The following TPH2 variants were observed in gnomAD, a reference collection of about 807,000 sequenced individuals.
TPH2 encodes the protein tryptophan hydroxylase 2.
Under a neutral mutation model 59.1 loss-of-function variants are expected in TPH2, and 27 were observed. The ratio of observed to expected loss-of-function variants is 0.46; its 90% CI spans 0.34 to 0.63. TPH2 has a LOEUF of 0.63. Among genes scored for constraint, TPH2 ranks in the 30% least tolerant of loss-of-function variants. The pLI is 0.01. For missense variants in TPH2, 523 were observed against 588.3 expected, an observed-to-expected ratio of 0.89 and a Z score of 1.15; for synonymous variants, 220 against 210.5, an observed-to-expected ratio of 1.05 and a Z score of -0.39.
chr12:72,016,782 C>T (rs1372902548), intron 8 of TPH2, among the ~76,000 whole-genome samples: 1 of 152,102 alleles, frequency 6.6e-6, no homozygotes, highest in East Asian at 1.9e-4. Context: ...GAATTTATTT[C>T]TTAAATGATG....
intron 2 of TPH2, among the ~76,000 whole-genome samples, chr12:71,942,710 T>C (rs1871106031): frequency 6.6e-6 from 1 of 152,230 alleles, no homozygotes; most frequent in Non-Finnish European, 1.5e-5. Context: ...TGAGGCATTA[T>C]TATGATGCCT....
At chr12:71,951,005 A>C (rs189112165) in intron 5 of TPH2, among the ~76,000 whole-genome samples, 133 of 152,260 alleles carry the variant, frequency 8.7e-4, no homozygotes, top group African/African-American at 3.0e-3. Flanking sequence ...AACCAGGACC[A>C]CATGGCACAT....
At chr12:71,965,908 C>T (rs747858011) in intron 5 of TPH2, among the ~76,000 whole-genome samples, 2 of 152,138 alleles carry the variant, frequency 1.3e-5, no homozygotes, top group African/African-American at 2.4e-5. Context: ...CAAGAGGGTA[C>T]TGCCTAGGTT....
rs1234251988 is a variant in TPH2 at position 71,941,567 on chromosome 12, C to T, written c.106-17C>T. 6.2e-7 allele frequency: 1 copy of T among 1,612,600 alleles called. No homozygotes were observed. Among genetic ancestry groups the T allele is most frequent in the Non-Finnish European group, 8.5e-7 (1 of 1,179,318 alleles). The stretch of plus-strand genomic sequence containing the variant: ...CTAACTAATATTTTGTTTTATTATG[C>T]TTCGACATTCCTGAAGCTAAATAAA... On this transcript the variant is annotated splice_polypyrimidine_tract_variant and intron_variant, in intron 1 of 10. Transcript: ENST00000333850.
intron 10 of TPH2, 41 bp from the exon 11 acceptor site, chr12:72,031,480 A>T: frequency 6.2e-7 from 1 of 1,612,956 alleles, no homozygotes; most frequent in Non-Finnish European, 8.5e-7. Flanking sequence ...CGTACCAATG[A>T]GGGTTGATCA....
rs1477889535 is a variant in TPH2 at position 72,021,255 on chromosome 12, G to A, written c.1069-1144G>A. ...CTTCTCGTTGTGCAAAGATTCCTCC[G>A]TCTGTTTAGGTTGATTTCTTAAACC... On this transcript the variant is annotated intron_variant, in intron 8 of 10. Transcript: ENST00000333850. Among the ~76,000 whole-genome samples, 3 of 151,658 alleles carry A rather than the reference G, an allele frequency of 2.0e-5. No homozygotes were observed. The East Asian group carries it at 5.8e-4, about 29-fold the overall frequency.
intron 4 of TPH2, among the ~76,000 whole-genome samples, chr12:71,947,861 C>T (rs1011702201): frequency 3.9e-5 from 6 of 152,162 alleles, no homozygotes; most frequent in African/African-American, 1.4e-4. Flanking sequence ...AGAAGAGAGG[C>T]AGTTGAGATT....
At chr12:72,022,829 C>CTGTGACAAG (rs1313319093) in intron 9 of TPH2, among the ~76,000 whole-genome samples, 1 of 152,214 alleles carries the variant, frequency 6.6e-6, no homozygotes, top group African/African-American at 2.4e-5. Context: ...ATCCTACTGA[C>CTGTGACAAG]TGAAATTCAC....
chr12:71,974,017 G>A (rs1446651668), intron 6 of TPH2, among the ~76,000 whole-genome samples: 1 of 151,682 alleles, frequency 6.6e-6, no homozygotes, highest in Non-Finnish European at 1.5e-5. Flanking sequence ...TTTCTCCTCT[G>A]TTTTTCCTTG....
Position 71,949,447 on chromosome 12 carries a change from G to C in TPH2, c.541-141G>C. ...TTTACTGTAAGCACAATTTGTTTCTGTCTGTGTCATCAAGATGGCCATCCT... is the reference window on the plus strand; with the variant it reads ...TTTACTGTAAGCACAATTTGTTTCTCTCTGTGTCATCAAGATGGCCATCCT... On this transcript the variant is annotated intron_variant, in intron 4 of 10. Transcript: ENST00000333850. 5.9e-6 allele frequency: 4 copies of C among 680,868 alleles called. No homozygotes were observed. In the Admixed American group the frequency reaches 8.8e-5, roughly 15 times the overall value. 42.2% of individuals were successfully genotyped at this position (680,868 alleles called of 1,614,324 possible). A position where few individuals can be genotyped will look rare whatever the true frequency, so the allele number is the denominator to read the frequency against.
Position 72,031,572 on chromosome 12 carries a change from C to T in TPH2, c.1350C>T (p.Tyr450=), listed in dbSNP as rs1873723145. The T allele has an allele frequency of 1.2e-6, 2 of 1,613,648 alleles. No individual in the cohort carries two copies. The highest frequency in any genetic ancestry group is 1.7e-6 in the Non-Finnish European group (2 of 1,179,650). The change falls in exon 11 of 11, where the codon TAC becomes TAT. Residue 450 remains tyrosine, a synonymous_variant. Transcript: ENST00000333850. ...CCTTCTCAGTATACTTCAATCCCTACACACAGAGTATTGAAATTCTGAAAG... is the reference window on the plus strand; with the variant it reads ...CCTTCTCAGTATACTTCAATCCCTATACACAGAGTATTGAAATTCTGAAAG... ...TRPFSVYFNP[Y]TQSIEILKDT...
At chr12:71,962,761 C>A in intron 5 of TPH2, 1 of 889,178 alleles carries the variant, frequency 1.1e-6, no homozygotes, top group Non-Finnish European at 1.3e-6. Flanking sequence ...ATCTGTCATC[C>A]AAGCTGAGGT....
chr12:71,978,888 C>T (rs758084264), intron 6 of TPH2, 64 bp from the exon 7 acceptor site: 4 of 1,604,394 alleles, frequency 2.5e-6, no homozygotes, highest in Admixed American at 1.7e-5. Context: ...AGTAGAAGCT[C>T]CTGCTTGGGC....
At chr12:71,960,764 A>G (rs1233775619) in intron 5 of TPH2, among the ~76,000 whole-genome samples, 1 of 152,198 alleles carries the variant, frequency 6.6e-6, no homozygotes, top group Admixed American at 6.5e-5. Flanking sequence ...TTCACAGGGA[A>G]AGAGGTATGA....
chr12:71,939,172 G>T lies in TPH2; in HGVS notation c.105+81G>T. ...TCTCCTCACCATATGAATCCCTTTTGTAGTGTAAGCACGCACACCTCAAAT... is the reference window on the plus strand; with the variant it reads ...TCTCCTCACCATATGAATCCCTTTTTTAGTGTAAGCACGCACACCTCAAAT... On this transcript the variant is annotated intron_variant, in intron 1 of 10. Coordinates refer to ENST00000333850, the MANE Select transcript of TPH2 (RefSeq NM_173353.4). 1.0e-5 allele frequency: 11 copies of T among 1,077,584 alleles called. No homozygotes were observed. The South Asian group carries it at 1.4e-4, about 14-fold the overall frequency. The allele number at this position is 1,077,584 out of a possible 1,614,324, so 66.8% of individuals were successfully genotyped here.
chr12:71,977,599 C>T (rs925926912), intron 6 of TPH2, among the ~76,000 whole-genome samples: 11 of 152,162 alleles, frequency 7.2e-5, no homozygotes, highest in Non-Finnish European at 1.6e-4. Flanking sequence ...TTCTTGAAAC[C>T]TGTGGCTTAA....
chr12:71,983,164 C>T (rs141226630), intron 7 of TPH2, among the ~76,000 whole-genome samples: 3 of 152,194 alleles, frequency 2.0e-5, no homozygotes, highest in Admixed American at 6.5e-5. Context: ...TTAGTGACTT[C>T]TGGTTTTCCT....
At chr12:71,945,506 A>C (rs143228117) in intron 4 of TPH2, among the ~76,000 whole-genome samples, 24 of 152,254 alleles carry the variant, frequency 1.6e-4, no homozygotes, top group Non-Finnish European at 2.8e-4. Flanking sequence ...TAACGCTTAC[A>C]GGGTGCCTCT....
At chr12:72,014,922 T>C (rs1873200845) in intron 8 of TPH2, among the ~76,000 whole-genome samples, 1 of 152,198 alleles carries the variant, frequency 6.6e-6, no homozygotes, top group Non-Finnish European at 1.5e-5. Context: ...AGCCTCTGTT[T>C]TCACTTTTGG....
Sources: gnomAD v4.1 joint callset for allele counts (sites outside exome capture counted in the v4.1 genomes callset) on GRCh38, gnomAD v4.1.1 for gene constraint, MANE v1.5 for transcripts, NCBI Gene and HGNC (gene_info 2026-07-23, HGNC 2026-07-21) for gene names.